GMNC: variants seen among roughly 807,000 people sequenced by gnomAD.
GMNC encodes the protein geminin coiled-coil domain-containing protein 1.
A neutral mutation model predicts 33.6 loss-of-function variants in GMNC; 16 were observed. The ratio of observed to expected loss-of-function variants is 0.48; its 90% CI spans 0.32 to 0.72. GMNC has a LOEUF of 0.72. Among genes scored for constraint, GMNC ranks in the 30% least tolerant of loss-of-function variants. The pLI is 0.03. For synonymous variants in GMNC, 156 were observed against 147.3 expected (o/e 1.06, Z -0.43); for missense variants, 393 against 388.9 (o/e 1.01, Z -0.09).
In GMNC at chr3:190,855,195, C is replaced by T; in HGVS notation, c.*100G>A. On this transcript the variant is annotated 3_prime_UTR_variant, in exon 5 of 5. Transcript: ENST00000442080. ...GACATTTAAAGTGGCAGGAGACAGT[C>T]TAAGCAACAGCTTCTGTGTTCCACA... 8.1e-7 allele frequency: 1 copy of T among 1,228,604 alleles called. No individual in the cohort carries two copies. The highest frequency in any genetic ancestry group is 1.1e-6 in the Non-Finnish European group (1 of 890,334). The allele number at this position is 1,228,604 out of a possible 1,614,324, so 76.1% of individuals were successfully genotyped here. A position where few individuals can be genotyped will look rare whatever the true frequency, so the allele number is the denominator to read the frequency against.
At chr3:190,844,963 G>T in the GMNC span, among the ~76,000 whole-genome samples, 1 of 152,020 alleles carries the variant, frequency 6.6e-6, no homozygotes, top group Non-Finnish European at 1.5e-5. Context: ...TATAAAATAT[G>T]ATCCGTGGAT....
rs745393906 is a variant in GMNC at position 190,858,935 on chromosome 3, T to C, written c.260A>G (p.Asn87Ser). ...EAQLSSQLYR[N>S]KQLQDTLVQK... ...GTTCTGACTTACACATACCTGCTTA[T>C]TTCTGTAGAGCTGAGAGGAAAGCTG... Residue 87 changes from asparagine to serine, a missense_variant, in exon 3 of 5, where the codon AAT (asparagine) becomes AGT (serine). Physicochemically the swap from Asn to Ser is conservative, Grantham distance 46. Coordinates refer to ENST00000442080, the MANE Select transcript of GMNC (RefSeq NM_001146686.3). 1.5e-4 allele frequency: 225 copies of C among 1,546,460 alleles called. No individual in the cohort carries two copies. Among genetic ancestry groups the C allele is most frequent in the Non-Finnish European group, 1.9e-4 (219 of 1,142,680 alleles).
intron 2 of GMNC, chr3:190,859,698 C>T (rs1267064399): frequency 9.7e-6 from 3 of 307,740 alleles, no homozygotes; most frequent in Non-Finnish European, 2.0e-5. Context: ...CCATATTTGA[C>T]AGTCAGCTCT....
At position 190,855,079 on chromosome 3, in the gene GMNC, C is replaced by T. The variant is rs1011374963; in HGVS notation, c.*216G>A. 2 of 559,554 alleles carry T rather than the reference C, an allele frequency of 3.6e-6. No individual in the cohort carries two copies. Among genetic ancestry groups the T allele is most frequent in the Non-Finnish European group, 6.4e-6 (2 of 313,756 alleles). 34.7% of individuals were successfully genotyped at this position (559,554 alleles called of 1,614,324 possible). On this transcript the variant is annotated 3_prime_UTR_variant, in exon 5 of 5. Coordinates refer to ENST00000442080, the MANE Select transcript of GMNC (RefSeq NM_001146686.3). ...TCAATAGCAGGTATTGGTGTGTAAACAAGTCAAATTTAGGTAAAAGAAGCG... is the reference window on the plus strand; with the variant it reads ...TCAATAGCAGGTATTGGTGTGTAAATAAGTCAAATTTAGGTAAAAGAAGCG...
At chr3:190,860,893 C>T (rs1335257426) in intron 1 of GMNC, 35 bp from the exon 2 acceptor site, 2 of 1,380,702 alleles carry the variant, frequency 1.4e-6, no homozygotes, top group Non-Finnish European at 1.9e-6. Context: ...TGAGGGGTCC[C>T]AAAAGATGGG....
chr3:190,848,164 G>A (rs935809835), downstream of GMNC, among the ~76,000 whole-genome samples: 1 of 152,146 alleles, frequency 6.6e-6, no homozygotes, highest in African/African-American at 2.4e-5. Flanking sequence ...CTAAGCAATT[G>A]TCTTGACTCT....
chr3:190,858,644 C>T (rs1046744271), intron 3 of GMNC, among the ~76,000 whole-genome samples: 4 of 152,168 alleles, frequency 2.6e-5, no homozygotes, highest in East Asian at 3.8e-4. Context: ...ATAGGCAGTA[C>T]AAGGTTTACA....
downstream of GMNC, among the ~76,000 whole-genome samples, chr3:190,849,801 T>C (rs150320428): frequency 2.6e-3 from 398 of 152,314 alleles, 5 homozygotes; most frequent in African/African-American, 9.1e-3. Context: ...AATGAGTCAG[T>C]TTATAAATAT....
At chr3:190,845,964 A>T in the GMNC span, among the ~76,000 whole-genome samples, 1 of 152,212 alleles carries the variant, frequency 6.6e-6, no homozygotes, top group Admixed American at 6.5e-5. Context: ...ACTGTGGCTC[A>T]TGCCTGTAAT....
In GMNC at chr3:190,861,301, A is replaced by G. The variant is rs1194644035; in HGVS notation, c.4-443T>C. Among the ~76,000 whole-genome samples the G allele has an allele frequency of 6.6e-6, 1 of 152,232 alleles. No homozygotes were observed. Among genetic ancestry groups the G allele is most frequent in the Admixed American group, 6.5e-5 (1 of 15,288 alleles). On this transcript the variant is annotated intron_variant, in intron 1 of 4. Coordinates refer to ENST00000442080, the MANE Select transcript of GMNC (RefSeq NM_001146686.3). This position sits in a 1 kb window ranked among gnomAD's most constrained non-coding sequence, Gnocchi z 5.1. ...TGAAGGACAAAGAACGCAGAATGCT[A>G]AAGCTGAAATGGATGTGACATAATA... is the stretch of plus-strand genomic sequence containing the variant.
At chr3:190,856,008 C>A in intron 4 of GMNC, 93 bp from the exon 5 acceptor site, 2 of 916,880 alleles carry the variant, frequency 2.2e-6, no homozygotes, top group South Asian at 3.7e-5. Flanking sequence ...TCTCTTCACA[C>A]AAGTAAGATG....
chr3:190,858,175 T>G (rs1483436337), intron 3 of GMNC: 1 of 344,440 alleles, frequency 2.9e-6, no homozygotes, highest in African/African-American at 2.1e-5. Context: ...CAGGTAGATA[T>G]GAAGGAAAAT....
downstream of GMNC, among the ~76,000 whole-genome samples, chr3:190,849,193 T>C (rs1252510192): frequency 2.0e-5 from 3 of 152,180 alleles, no homozygotes; most frequent in Admixed American, 6.5e-5. Context: ...TAGGTGGGAC[T>C]AGTCATGGTT....
downstream of GMNC, among the ~76,000 whole-genome samples, chr3:190,850,377 C>T (rs1029002051): frequency 6.6e-6 from 1 of 152,212 alleles, no homozygotes; most frequent in South Asian, 2.1e-4. Flanking sequence ...TGCCTTCAAG[C>T]CTAAAACAGC....
chr3:190,861,473 T>TCTAC lies in GMNC; in HGVS notation c.4-616_4-615insGTAG. ...TGCCTATCATCTATCTATCTATCTA[T>TCTAC]CTATCTATCTATCTATCTATCTATC... On this transcript the variant is annotated intron_variant, in intron 1 of 4. Coordinates refer to ENST00000442080, the MANE Select transcript of GMNC (RefSeq NM_001146686.3). The surrounding 1 kb of genome is among the most constrained non-coding windows in gnomAD (Gnocchi z 5.1). Among the ~76,000 whole-genome samples the TCTAC allele has an allele frequency of 6.6e-6, 1 of 151,834 alleles. No homozygotes were observed. Among genetic ancestry groups the TCTAC allele is most frequent in the South Asian group, 2.1e-4 (1 of 4,776 alleles).
chr3:190,859,516 G>A (rs1737816843), intron 2 of GMNC, among the ~76,000 whole-genome samples: 1 of 151,882 alleles, frequency 6.6e-6, no homozygotes, highest in South Asian at 2.1e-4. Context: ...TTAATCTAAC[G>A]GACTGTATTT....
At chr3:190,845,103 G>A in the GMNC span, among the ~76,000 whole-genome samples, 1 of 152,100 alleles carries the variant, frequency 6.6e-6, no homozygotes, top group South Asian at 2.1e-4. Flanking sequence ...AAAATTAGGT[G>A]TTAGTCCTAT....
In GMNC at chr3:190,861,618, G is replaced by A. The variant is rs1356330991; in HGVS notation, c.4-760C>T. The stretch of plus-strand genomic sequence containing the variant: ...AAGCTGAAAGAAGTTCGTTAGCAAA[G>A]ACAGCAAGCTCTAGTTCTGTCCATC... On this transcript the variant is annotated intron_variant, in intron 1 of 4. Transcript: ENST00000442080. This position sits in a 1 kb window ranked among gnomAD's most constrained non-coding sequence, Gnocchi z 5.1. 6.6e-6 allele frequency among the ~76,000 whole-genome samples: 1 copy of A among 152,178 alleles called. No individual in the cohort carries two copies. The highest frequency in any genetic ancestry group is 2.4e-5 in the African/African-American group (1 of 41,438).
chr3:190,850,875 C>T (rs1370588828), downstream of GMNC, among the ~76,000 whole-genome samples: 1 of 152,046 alleles, frequency 6.6e-6, no homozygotes, highest in African/African-American at 2.4e-5. Flanking sequence ...ACATGAAACA[C>T]ATTGTGATAA....
Sources: gnomAD v4.1 joint callset for allele counts (sites outside exome capture counted in the v4.1 genomes callset) on GRCh38, gnomAD v4.1.1 for gene constraint, Gnocchi (gnomAD v3.1) non-coding constraint, MANE v1.5 for transcripts, NCBI Gene and HGNC (gene_info 2026-07-23, HGNC 2026-07-21) for gene names.